SUSD5: variants seen among roughly 807,000 people sequenced by gnomAD.
The protein encoded by SUSD5 is sushi domain-containing protein 5.
A neutral mutation model predicts 29.5 loss-of-function variants in SUSD5; 33 were observed. That is an observed-to-expected ratio of 1.12 (90% CI 0.85 to 1.49). The LOEUF is 1.49. SUSD5 is among the 40% of genes most tolerant of loss of function. The probability of loss-of-function intolerance (pLI) is 0.00; values close to 1 mark genes in which losing one functional copy is unlikely to be tolerated. For missense variants in SUSD5, 776 were observed against 800.6 expected (o/e 0.97, Z 0.37); for synonymous variants, 308 against 325.3 (o/e 0.95, Z 0.57).
chr3:33,179,472 T>G (rs2031624249), intron 3 of SUSD5, among the ~76,000 whole-genome samples: 1 of 152,224 alleles, frequency 6.6e-6, no homozygotes, highest in Non-Finnish European at 1.5e-5. Context: ...GGTTTGTTTG[T>G]TGAGCTTCTT....
rs35522769 is a variant in SUSD5, at chr3:33,199,214, T to TCACACACA, written c.409+8586_409+8593dup. ...ATGTCTTTTTTTCTAGGGGAGAATT[T>TCACACACA]CACACACACACACACACACACACAC... On this transcript the variant is annotated intron_variant, in intron 3 of 4. Transcript: ENST00000309558. 4.1e-3 allele frequency among the ~76,000 whole-genome samples: 613 copies of TCACACACA among 147,994 alleles called. 5 individuals carry two copies. The highest frequency in any genetic ancestry group is 0.012 in the African/African-American group (497 of 40,252).
At chr3:33,158,304 G>T (rs967786851) in intron 4 of SUSD5, among the ~76,000 whole-genome samples, 2 of 152,172 alleles carry the variant, frequency 1.3e-5, no homozygotes, top group African/African-American at 4.8e-5. Context: ...CGCCATTGTT[G>T]AAGGACCAAT....
In SUSD5 at chr3:33,164,757, T is replaced by C. The variant is rs190766270; in HGVS notation, c.598+10129A>G. Reference sequence around the variant, plus strand: ...GAGGTATTCTAATAGCCAGAAAACATATGAAAAGGTGCTTAACATCATTAA... The same window carrying C: ...GAGGTATTCTAATAGCCAGAAAACACATGAAAAGGTGCTTAACATCATTAA... On this transcript the variant is annotated intron_variant, in intron 4 of 4. Coordinates refer to ENST00000309558, the MANE Select transcript of SUSD5 (RefSeq NM_015551.2). 4.4e-3 allele frequency among the ~76,000 whole-genome samples: 668 copies of C among 152,208 alleles called. 6 individuals carry two copies. Among genetic ancestry groups the C allele is most frequent in the African/African-American group, 0.015 (636 of 41,522 alleles).
chr3:33,153,541 C>G lies in SUSD5; in HGVS notation c.1091G>C (p.Ser364Thr), dbSNP rs1474835992. The G allele has an allele frequency of 6.2e-7, 1 of 1,613,936 alleles. No individual in the cohort carries two copies. Among genetic ancestry groups the G allele is most frequent in the Non-Finnish European group, 8.5e-7 (1 of 1,179,956 alleles). Reference protein sequence around the residue: ...NDSKAGDPVVSSSDESWLDGY... With the variant: ...NDSKAGDPVVTSSDESWLDGY... ...ATCTAACCAGGACTCATCACTGCTGCTCACCACTGGATCTCCTGCCTTGCT... is the reference window on the plus strand; with the variant it reads ...ATCTAACCAGGACTCATCACTGCTGGTCACCACTGGATCTCCTGCCTTGCT... The change falls in exon 5 of 5, where the codon AGC becomes ACC. Residue 364 changes from serine (S) to threonine (T), a missense_variant. By Grantham distance (58) the Ser-to-Thr change is moderately conservative. Transcript: ENST00000309558.
intron 3 of SUSD5, among the ~76,000 whole-genome samples, chr3:33,180,092 T>G (rs2031637378): frequency 6.6e-6 from 1 of 152,236 alleles, no homozygotes; most frequent in Non-Finnish European, 1.5e-5. Context: ...TTTACCATAC[T>G]ATACTTTAAT....
At position 33,192,819 on chromosome 3, in the gene SUSD5, A is replaced by AT. The variant is rs1553621957; in HGVS notation, c.409+14988_409+14989insA. Among the ~76,000 whole-genome samples the AT allele has an allele frequency of 6.6e-5, 10 of 151,222 alleles. No individual in the cohort carries two copies. In the South Asian group the frequency reaches 1.0e-3, roughly 16 times the overall value. On this transcript the variant is annotated intron_variant, in intron 3 of 4. Coordinates refer to ENST00000309558, the MANE Select transcript of SUSD5 (RefSeq NM_015551.2). ...GTGACAGAGTGAGACTCTGTCAAAA[A>AT]ATATATATATATAATCTAATAATTC... is the stretch of plus-strand genomic sequence containing the variant.
intron 4 of SUSD5, among the ~76,000 whole-genome samples, chr3:33,161,778 T>C (rs1393917816): frequency 6.6e-6 from 1 of 152,154 alleles, no homozygotes; most frequent in Non-Finnish European, 1.5e-5. Context: ...TCAATTCACC[T>C]GGAAGATATC....
rs1024049436 is a variant in SUSD5, at chr3:33,167,657, G to C, written c.598+7229C>G. Among the ~76,000 whole-genome samples, 5 of 152,146 alleles carry C rather than the reference G, an allele frequency of 3.3e-5. No homozygotes were observed. The highest frequency in any genetic ancestry group is 1.2e-4 in the African/African-American group (5 of 41,430). ...TCCCCAAAACCTCAAATGAAGACAAGAATGAGTGTTTACAATTAGCCTACT... is the reference window on the plus strand; with the variant it reads ...TCCCCAAAACCTCAAATGAAGACAACAATGAGTGTTTACAATTAGCCTACT... On this transcript the variant is annotated intron_variant, in intron 4 of 4. Coordinates refer to ENST00000309558, the MANE Select transcript of SUSD5 (RefSeq NM_015551.2). The surrounding 1 kb of genome is among the most constrained non-coding windows in gnomAD (Gnocchi z 4.1).
intron 2 of SUSD5, 45 bp downstream of exon 2, chr3:33,213,883 G>A (rs2032374007): frequency 1.3e-6 from 2 of 1,548,998 alleles, no homozygotes; most frequent in African/African-American, 1.4e-5. Flanking sequence ...AAGCCTTGGT[G>A]GTGCAACTGG....
chr3:33,171,861 G>A (rs577814634), intron 4 of SUSD5, among the ~76,000 whole-genome samples: 5 of 152,104 alleles, frequency 3.3e-5, no homozygotes, highest in Admixed American at 6.5e-5. Context: ...CCTGTAAAAC[G>A]TCACCTTCTG....
rs1455196635 is a variant in SUSD5, at chr3:33,214,019, G to A, written c.199C>T (p.His67Tyr). 6.2e-7 allele frequency: 1 copy of A among 1,613,790 alleles called. No homozygotes were observed. The highest frequency in any genetic ancestry group is 1.1e-5 in the South Asian group (1 of 91,024). The change falls in exon 2 of 5, where the codon CAC becomes TAC. Residue 67 changes from histidine to tyrosine, a missense_variant. Coordinates refer to ENST00000309558, the MANE Select transcript of SUSD5 (RefSeq NM_015551.2). ...ARLSCKSRGA[H>Y]LASADELRRV... Reference sequence around the variant, plus strand: ...CGCAGCTCGTCTGCAGATGCCAGGTGAGCGCCCCTGCTCTTGCAGGAAAGC... The same window carrying A: ...CGCAGCTCGTCTGCAGATGCCAGGTAAGCGCCCCTGCTCTTGCAGGAAAGC...
At position 33,204,831 on chromosome 3, in the gene SUSD5, G is replaced by T. The variant is rs2032187019; in HGVS notation, c.409+2977C>A. Reference sequence around the variant, plus strand: ...TCTGGCTACAGCCTGAGCTTTTTGAGATTTTAAAATTTTATATAATTTCAA... The same window carrying T: ...TCTGGCTACAGCCTGAGCTTTTTGATATTTTAAAATTTTATATAATTTCAA... On this transcript the variant is annotated intron_variant, in intron 3 of 4. Coordinates refer to ENST00000309558, the MANE Select transcript of SUSD5 (RefSeq NM_015551.2). This position sits in a 1 kb window ranked among gnomAD's most constrained non-coding sequence, Gnocchi z 4.5. Among the ~76,000 whole-genome samples, 1 of 152,020 alleles carries T rather than the reference G, an allele frequency of 6.6e-6. No individual in the cohort carries two copies. Among genetic ancestry groups the T allele is most frequent in the Non-Finnish European group, 1.5e-5 (1 of 68,002 alleles).
intron 4 of SUSD5, among the ~76,000 whole-genome samples, chr3:33,170,102 A>G (rs2031393948): frequency 6.6e-6 from 1 of 152,036 alleles, no homozygotes; most frequent in African/African-American, 2.4e-5. Context: ...TATTTTTAGT[A>G]GAGATGGGGT....
intron 4 of SUSD5, among the ~76,000 whole-genome samples, chr3:33,156,536 C>T (rs886249880): frequency 6.6e-6 from 1 of 152,200 alleles, no homozygotes; most frequent in African/African-American, 2.4e-5. Flanking sequence ...CCTCAGAAGA[C>T]AGCAGCAGCC....
rs186951998 is a variant in SUSD5 at position 33,178,367 on chromosome 3, T to G, written c.410-3293A>C. Among the ~76,000 whole-genome samples the G allele has an allele frequency of 5.9e-5, 9 of 152,338 alleles. No individual in the cohort carries two copies. In the South Asian group the frequency reaches 8.3e-4, roughly 14 times the overall value. ...GTGTACAAATCTTTGTATACATTGT[T>G]GAATTTTGTTTGCTAATATTTTGTT... On this transcript the variant is annotated intron_variant, in intron 3 of 4. Transcript: ENST00000309558.
In SUSD5 at chr3:33,153,261, A is replaced by G; in HGVS notation, c.1371T>C (p.Thr457=). The G allele has an allele frequency of 3.7e-6, 6 of 1,613,924 alleles. No individual in the cohort carries two copies. The highest frequency in any genetic ancestry group is 5.1e-6 in the Non-Finnish European group (6 of 1,179,884). ...LALRPVNASE[T]EGIGDGDLTK... ...TCAAGTCACCATCCCCAATGCCCTC[A>G]GTCTCGGAAGCATTCACGGGTCTGA... Residue 457 remains threonine (T), a synonymous_variant, in exon 5 of 5, where the codon ACT becomes ACC. Coordinates refer to ENST00000309558, the MANE Select transcript of SUSD5 (RefSeq NM_015551.2).
rs2030914559 is a variant in SUSD5, at chr3:33,152,183, TAAG to T, written c.*556_*558del. The T allele has an allele frequency of 6.6e-6, 1 of 152,598 alleles. No individual in the cohort carries two copies. Among genetic ancestry groups the T allele is most frequent in the African/African-American group, 2.4e-5 (1 of 41,424 alleles). 9.5% of individuals were successfully genotyped at this position (152,598 alleles called of 1,614,324 possible). A position where few individuals can be genotyped will look rare whatever the true frequency, so the allele number is the denominator to read the frequency against. On this transcript the variant is annotated 3_prime_UTR_variant, in exon 5 of 5. Coordinates refer to ENST00000309558, the MANE Select transcript of SUSD5 (RefSeq NM_015551.2). ...CTGGAATCCTAGCACTTTGGGAGGC[TAAG>T]GAGGGCAGATCACTTGAGGTCAGGA... is the stretch of plus-strand genomic sequence containing the variant.
chr3:33,151,463 C>T lies in SUSD5; in HGVS notation c.*1279G>A, dbSNP rs2030877295. 1 of 152,192 alleles carries T rather than the reference C, an allele frequency of 6.6e-6. No homozygotes were observed. Among genetic ancestry groups the T allele is most frequent in the Non-Finnish European group, 1.5e-5 (1 of 68,020 alleles). 9.4% of individuals were successfully genotyped at this position (152,192 alleles called of 1,614,324 possible). Reference sequence around the variant, plus strand: ...GAGAACAGATCAGCACAGATCATTTCATATTCTTTCACAGATTCTTCTGCT... The same window carrying T: ...GAGAACAGATCAGCACAGATCATTTTATATTCTTTCACAGATTCTTCTGCT... On this transcript the variant is annotated 3_prime_UTR_variant, in exon 5 of 5. Coordinates refer to ENST00000309558, the MANE Select transcript of SUSD5 (RefSeq NM_015551.2).
chr3:33,156,704 G>C (rs1182367099), intron 4 of SUSD5, among the ~76,000 whole-genome samples: 1 of 152,218 alleles, frequency 6.6e-6, no homozygotes, highest in Non-Finnish European at 1.5e-5. Flanking sequence ...GAATGCTGAG[G>C]TGTCATGTGG....
Sources: allele counts gnomAD v4.1 joint callset (sites outside exome capture counted in the v4.1 genomes callset), GRCh38; gene constraint gnomAD v4.1.1; non-coding constraint Gnocchi (gnomAD v3.1); transcripts MANE v1.5; gene names NCBI Gene and HGNC (gene_info 2026-07-23, HGNC 2026-07-21).